RYR1: variants seen among roughly 807,000 people sequenced by gnomAD.
RYR1 encodes the protein central core disease of muscle.
Under a neutral mutation model 583.5 loss-of-function variants are expected in RYR1, and 342 were observed. The ratio of observed to expected loss-of-function variants is 0.59; its 90% CI spans 0.54 to 0.64. The LOEUF (loss-of-function observed/expected upper bound fraction) is 0.64, where lower values mean the gene tolerates loss of function less well. Ranked by LOEUF, RYR1 falls within the 30% of genes least tolerant of loss-of-function variation. The pLI, the probability that RYR1 is intolerant of heterozygous loss-of-function variation, is 0.00. For synonymous variants in RYR1, 2,791 were observed against 2,822.5 expected (o/e 0.99, Z 0.35); for missense variants, 6,032 against 6,917.2 (o/e 0.87, Z 4.54).
At chr19:38,535,794 T>C in intron 81 of RYR1, 1 of 647,202 alleles carries the variant, frequency 1.5e-6, no homozygotes, top group South Asian at 1.8e-5. Context: ...TTCCTCATTA[T>C]TTCAGCTTGC....
rs118192174 is a variant in RYR1, at chr19:38,499,961, T to A, written c.7268T>A (p.Met2423Lys). ...CGGGTGCACCTGGGACACGCCATCA[T>A]GTCCTTCTATGCCGCCTTGATCGAC... ...ENRVHLGHAI[M>K]SFYAALIDLL... The change falls in exon 45 of 106, where the codon ATG becomes AAG. Residue 2423 changes from methionine (M) to lysine (K), a missense_variant. Physicochemically the swap from Met to Lys is moderately conservative, Grantham distance 95. Transcript: ENST00000359596. This position sits in a 1 kb window ranked among gnomAD's most constrained non-coding sequence, Gnocchi z 7.3. 66 of 1,612,200 alleles carry A rather than the reference T, an allele frequency of 4.1e-5. No homozygotes were observed. The highest frequency in any genetic ancestry group is 2.9e-4 in the South Asian group (26 of 90,918).
chr19:38,527,144 T>C, intron 72 of RYR1, 92 bp downstream of exon 72: 1 of 1,416,284 alleles, frequency 7.1e-7, no homozygotes. Flanking sequence ...GACCAGGCAT[T>C]GAAGAAAGAC....
chr19:38,464,745 C>A (rs1212873090), intron 23 of RYR1, 23 bp downstream of exon 23: 1 of 1,557,260 alleles, frequency 6.4e-7, no homozygotes, highest in Non-Finnish European at 8.7e-7. Flanking sequence ...AGCCAGGTCC[C>A]GTCTGGGGAT....
Position 38,587,472 on chromosome 19 carries a change from C to T in RYR1, c.*52C>T, listed in dbSNP as rs767339832. The stretch of plus-strand genomic sequence containing the variant: ...CACCTCAAGTGCCTTATTCTCACAG[C>T]AAGCCCCTTAGTCCCCAAGCCCCTC... On this transcript the variant is annotated 3_prime_UTR_variant, in exon 106 of 106. Coordinates refer to ENST00000359596, the MANE Select transcript of RYR1 (RefSeq NM_000540.3). The T allele has an allele frequency of 2.2e-6, 3 of 1,355,474 alleles. No homozygotes were observed. In the African/African-American group the frequency reaches 4.3e-5, roughly 19 times the overall value. 84.0% of individuals were successfully genotyped at this position (1,355,474 alleles called of 1,614,324 possible). A position where few individuals can be genotyped will look rare whatever the true frequency, so the allele number is the denominator to read the frequency against.
chr19:38,527,051 A>G lies in RYR1; in HGVS notation c.10685A>G (p.Lys3562Arg), dbSNP rs1460062428. ...CACAACAACCTTCACCTTCAGGGAA[A>G]GGTATGCCTCCTTCCTCTGCAAGCA... ...FLHNNLHLQG[K>R]VEGSPSLRWQ... is the part of the protein sequence containing the mutation. The change falls in exon 72 of 106, where the codon AAG becomes AGG. Residue 3562 changes from lysine (K) to arginine (R), a missense_variant and splice_region_variant. This residue lies in a region of RYR1 where 1,493 missense variants were observed against 1,715.5 expected (regional missense o/e 0.87). Coordinates refer to ENST00000359596, the MANE Select transcript of RYR1 (RefSeq NM_000540.3). 2 of 1,613,822 alleles carry G rather than the reference A, an allele frequency of 1.2e-6. No homozygotes were observed. The highest frequency in any genetic ancestry group is 2.2e-5 in the South Asian group (2 of 91,080).
chr19:38,487,302 C>T lies in RYR1; in HGVS notation c.5547+1100C>T, dbSNP rs530763721. On this transcript the variant is annotated intron_variant, in intron 34 of 105. Transcript: ENST00000359596. ...CCCTTGTATCATGTACCCTTTTATT[C>T]GTAGACCCATCTAACTATTCATTTA... Among the ~76,000 whole-genome samples the T allele has an allele frequency of 2.0e-5, 3 of 152,258 alleles. No individual in the cohort carries two copies. In the South Asian group the frequency reaches 6.2e-4, roughly 32 times the overall value.
At chr19:38,563,336 G>A (rs1973241184) in intron 90 of RYR1, among the ~76,000 whole-genome samples, 1 of 152,198 alleles carries the variant, frequency 6.6e-6, no homozygotes, top group Non-Finnish European at 1.5e-5. Context: ...CACGATCTCA[G>A]CTCACTCAAC....
At chr19:38,554,934 C>T (rs1489247288) in intron 89 of RYR1, among the ~76,000 whole-genome samples, 2 of 152,144 alleles carry the variant, frequency 1.3e-5, no homozygotes, top group Non-Finnish European at 2.9e-5. Flanking sequence ...AAAATCCACC[C>T]ATTTAAAATG....
At chr19:38,526,765 C>T (rs1476649190) in intron 71 of RYR1, among the ~76,000 whole-genome samples, 2 of 152,094 alleles carry the variant, frequency 1.3e-5, no homozygotes, top group Admixed American at 6.5e-5. Context: ...TCCACGAGGC[C>T]CCTCGAATCC....
At chr19:38,537,472 T>G (rs1691000037) in intron 83 of RYR1, among the ~76,000 whole-genome samples, 1 of 152,094 alleles carries the variant, frequency 6.6e-6, no homozygotes, top group South Asian at 2.1e-4. Flanking sequence ...CCCAGAGCCT[T>G]TGTGTGAAGG....
rs1407854476 is a variant in RYR1 at position 38,466,177 on chromosome 19, G to A, written c.2957G>A (p.Arg986His). ...LTPAQTTLVD[R>H]LAENGHNVWA... Reference sequence around the variant, plus strand: ...CCGGCGCAGACGACACTGGTGGACCGTCTGGCAGAAAATGGGCACAACGTG... The same window carrying A: ...CCGGCGCAGACGACACTGGTGGACCATCTGGCAGAAAATGGGCACAACGTG... The change falls in exon 24 of 106, where the codon CGT becomes CAT. Residue 986 changes from arginine (R) to histidine (H), a missense_variant. Coordinates refer to ENST00000359596, the MANE Select transcript of RYR1 (RefSeq NM_000540.3). 5.6e-6 allele frequency: 9 copies of A among 1,613,372 alleles called. No individual in the cohort carries two copies. The highest frequency in any genetic ancestry group is 4.5e-5 in the East Asian group (2 of 44,884).
Position 38,507,841 on chromosome 19 carries a change from C to A in RYR1, c.8932+14C>A, listed in dbSNP as rs771126506. ...TTGCCCACCTGGGTACGGAGAAATA[C>A]CCCCCGCTTATGCCCGCCCCACCTG... On this transcript the variant is annotated intron_variant, in intron 58 of 105. Coordinates refer to ENST00000359596, the MANE Select transcript of RYR1 (RefSeq NM_000540.3). The A allele has an allele frequency of 3.2e-6, 5 of 1,545,952 alleles. No homozygotes were observed. Among genetic ancestry groups the A allele is most frequent in the Non-Finnish European group, 8.9e-7 (1 of 1,127,684 alleles).
chr19:38,445,727 G>A (rs932775118), intron 7 of RYR1, among the ~76,000 whole-genome samples: 2 of 152,142 alleles, frequency 1.3e-5, no homozygotes, highest in African/African-American at 4.8e-5. Flanking sequence ...GGTGGCTCAC[G>A]CCTGTAATCC....
At chr19:38,466,478 C>A in intron 24 of RYR1, 80 bp downstream of exon 24, 29 of 1,204,356 alleles carry the variant, frequency 2.4e-5, no homozygotes, top group South Asian at 5.2e-5. Context: ...TCTGACCTGA[C>A]TCAGCCCCCA....
rs1383201671 is a variant in RYR1, at chr19:38,444,002, G to A, written c.425-147G>A. The A allele has an allele frequency of 3.7e-6, 3 of 821,730 alleles. No homozygotes were observed. Among genetic ancestry groups the A allele is most frequent in the African/African-American group, 1.7e-5 (1 of 59,214 alleles). 50.9% of individuals were successfully genotyped at this position (821,730 alleles called of 1,614,324 possible). A position where few individuals can be genotyped will look rare whatever the true frequency, so the allele number is the denominator to read the frequency against. The stretch of plus-strand genomic sequence containing the variant: ...AGGCAGAGAGTCTGAAGTCAGGAAC[G>A]GGGAACTGTTAGGCAGAGAGTTGGT... On this transcript the variant is annotated intron_variant, in intron 5 of 105. Transcript: ENST00000359596. This position sits in a 1 kb window ranked among gnomAD's most constrained non-coding sequence, Gnocchi z 5.1.
Position 38,460,636 on chromosome 19 carries a change from T to C in RYR1, c.2577+45T>C. Reference sequence around the variant, plus strand: ...GGTTTTCTGGCGAGGCAGGGTCTCTTAGGAGTCAGAGAGGGGGCAGGGTGC... The same window carrying C: ...GGTTTTCTGGCGAGGCAGGGTCTCTCAGGAGTCAGAGAGGGGGCAGGGTGC... On this transcript the variant is annotated intron_variant, in intron 20 of 105. Transcript: ENST00000359596. 1.3e-6 allele frequency: 2 copies of C among 1,561,340 alleles called. 1 individual carries two copies. The highest frequency in any genetic ancestry group is 4.5e-5 in the East Asian group (2 of 44,678).
chr19:38,531,519 C>T (rs1373058558), intron 76 of RYR1, among the ~76,000 whole-genome samples: 3 of 151,780 alleles, frequency 2.0e-5, no homozygotes, highest in Non-Finnish European at 4.4e-5. Context: ...AGGGATTGGC[C>T]ATACTTGTTA....
intron 70 of RYR1, among the ~76,000 whole-genome samples, chr19:38,524,524 A>G (rs1278846184): frequency 6.6e-5 from 10 of 152,178 alleles, no homozygotes. Context: ...TCATGCTCAA[A>G]GTTGCCAGCC....
At chr19:38,523,821 G>A in intron 69 of RYR1, 94 bp from the exon 70 acceptor site, 5 of 1,532,520 alleles carry the variant, frequency 3.3e-6, no homozygotes, top group African/African-American at 1.4e-5. Context: ...GTGGGGCAGA[G>A]GAGGTGGGGT....
Sources: allele counts gnomAD v4.1 joint callset (sites outside exome capture counted in the v4.1 genomes callset), GRCh38; gene constraint gnomAD v4.1.1; regional missense constraint gnomAD v4.1.1; non-coding constraint Gnocchi (gnomAD v3.1); transcripts MANE v1.5; gene names NCBI Gene and HGNC (gene_info 2026-07-23, HGNC 2026-07-21).